Variants in MGAT3 observed in about 807,000 individuals in gnomAD.
MGAT3 encodes the protein beta-1,4-mannosyl-glycoprotein 4-beta-N-acetylglucosaminyltransferase, also known as GlcNAc-T III.
Under a neutral mutation model 29.8 loss-of-function variants are expected in MGAT3, and 9 were observed. The ratio of observed to expected loss-of-function variants is 0.30; its 90% CI spans 0.18 to 0.53. MGAT3 has a LOEUF of 0.53. MGAT3 is among the 20% of genes least tolerant of loss of function. The pLI is 0.96. For synonymous variants in MGAT3, 397 were observed against 348.9 expected, an observed-to-expected ratio of 1.14 and a Z score of -1.54; for missense variants, 557 against 769.5, an observed-to-expected ratio of 0.72 and a Z score of 3.27.
At position 39,487,513 on chromosome 22, in the gene MGAT3, G is replaced by A; in HGVS notation, c.166G>A (p.Val56Ile). Residue 56 changes from valine to isoleucine, a missense_variant, in exon 2 of 2, where the codon GTC (valine) becomes ATC (isoleucine). Val to Ile is a conservative substitution (Grantham distance 29). This residue lies in a region of MGAT3 where 212 missense variants were observed against 228.5 expected (regional missense o/e 0.93). Coordinates refer to ENST00000341184, the MANE Select transcript of MGAT3 (RefSeq NM_002409.5). The surrounding 1 kb of genome is among the most constrained non-coding windows in gnomAD (Gnocchi z 5.7). The stretch of plus-strand genomic sequence containing the variant: ...CAGCTTTTTCTGGAACAATGCCCCG[G>A]TCACGCCCCAGGCCAGCCCCGAGCC... ...VSSFFWNNAP[V>I]TPQASPEPGG... 1 of 1,612,816 alleles carries A rather than the reference G, an allele frequency of 6.2e-7. No individual in the cohort carries two copies. Among genetic ancestry groups the A allele is most frequent in the Non-Finnish European group, 8.5e-7 (1 of 1,179,884 alleles).
rs1243633476 is a variant in MGAT3, at chr22:39,469,966, G to A, written c.-2+12409G>A. On this transcript the variant is annotated intron_variant, in intron 1 of 1. Transcript: ENST00000341184. ...CAGGCTGGGCCTGCACCCCCAAACC[G>A]GAGGATATTTGTCCCTCCAAGTCTG... Among the ~76,000 whole-genome samples the A allele has an allele frequency of 2.0e-5, 3 of 152,244 alleles. No homozygotes were observed. The East Asian group carries it at 5.8e-4, about 29-fold the overall frequency.
rs1929424545 is a variant in MGAT3 at position 39,490,530 on chromosome 22, T to C, written c.*1581T>C. The stretch of plus-strand genomic sequence containing the variant: ...ACTCAGTCGTCGGATCCAGCTCTCA[T>C]TGTCAGAGTTTCCGGAACAGCTTGC... On this transcript the variant is annotated 3_prime_UTR_variant, in exon 2 of 2. Coordinates refer to ENST00000341184, the MANE Select transcript of MGAT3 (RefSeq NM_002409.5). 6.0e-6 allele frequency: 1 copy of C among 167,184 alleles called. No individual in the cohort carries two copies. The highest frequency in any genetic ancestry group is 1.5e-5 in the Non-Finnish European group (1 of 68,146). 10.4% of individuals were successfully genotyped at this position (167,184 alleles called of 1,614,324 possible). A position where few individuals can be genotyped will look rare whatever the true frequency, so the allele number is the denominator to read the frequency against.
At chr22:39,462,963 C>G (rs1035057431) in intron 1 of MGAT3, among the ~76,000 whole-genome samples, 3 of 152,024 alleles carry the variant, frequency 2.0e-5, no homozygotes, top group Non-Finnish European at 4.4e-5. Context: ...ACCTCAGAGC[C>G]TGCTCTCCGG....
chr22:39,479,135 C>T (rs562741675), intron 1 of MGAT3, among the ~76,000 whole-genome samples: 32 of 152,296 alleles, frequency 2.1e-4, no homozygotes, highest in Admixed American at 1.6e-3. Context: ...CCCAGGAGGT[C>T]GAGACCAGCT....
At position 39,457,359 on chromosome 22, in the gene MGAT3, G is replaced by T. The variant is rs1350972006; in HGVS notation, c.-200G>T. The T allele has an allele frequency of 6.9e-6, 1 of 145,464 alleles. No individual in the cohort carries two copies. The highest frequency in any genetic ancestry group is 2.5e-5 in the African/African-American group (1 of 40,468). 9.0% of individuals were successfully genotyped at this position (145,464 alleles called of 1,614,324 possible). ...GGTCCCCGGGACGGGGTGGAAGTGG[G>T]GGTGGGGGGAGGGGATCGGGGCCGG... On this transcript the variant is annotated 5_prime_UTR_variant, in exon 1 of 2. Transcript: ENST00000341184. This position sits in a 1 kb window ranked among gnomAD's most constrained non-coding sequence, Gnocchi z 6.8.
At chr22:39,486,921 A>G (rs1303308264) in intron 1 of MGAT3, among the ~76,000 whole-genome samples, 1 of 152,156 alleles carries the variant, frequency 6.6e-6, no homozygotes, top group Non-Finnish European at 1.5e-5. Flanking sequence ...ATAGGAGGGG[A>G]GGGACAGGAC....
intron 1 of MGAT3, chr22:39,486,299 T>C (rs1166541822): frequency 6.3e-6 from 2 of 319,290 alleles, no homozygotes; most frequent in East Asian, 2.2e-4. Context: ...CATGCGCCAC[T>C]ACACTCAGCT....
chr22:39,474,898 G>GC (rs904429798), intron 1 of MGAT3, among the ~76,000 whole-genome samples: 1 of 152,128 alleles, frequency 6.6e-6, no homozygotes, highest in African/African-American at 2.4e-5. Flanking sequence ...TGCACCACTA[G>GC]CCCCGGCTGG....
At chr22:39,482,352 T>C (rs1234352419) in intron 1 of MGAT3, among the ~76,000 whole-genome samples, 2 of 152,148 alleles carry the variant, frequency 1.3e-5, no homozygotes, top group Non-Finnish European at 2.9e-5. Context: ...GTTCCATGGC[T>C]TTAGCCCACA....
At chr22:39,465,769 T>C (rs1419025679) in intron 1 of MGAT3, among the ~76,000 whole-genome samples, 5 of 151,792 alleles carry the variant, frequency 3.3e-5, no homozygotes, top group African/African-American at 9.7e-5. Context: ...CCGTCTCTAC[T>C]AAAAATACAA....
At chr22:39,477,489 C>T (rs1365781416) in intron 1 of MGAT3, 1 of 151,950 alleles carries the variant, frequency 6.6e-6, no homozygotes, top group East Asian at 1.9e-4. Context: ...AGGAGCAAGG[C>T]CTGGCATATT....
At position 39,488,498 on chromosome 22, in the gene MGAT3, G is replaced by T; in HGVS notation, c.1151G>T (p.Arg384Leu). Reference sequence around the variant, plus strand: ...CTGGACGGCATCCGCCTGCGCCGCCGCCAGTACTACACCATGCCCAACTTC... The same window carrying T: ...CTGGACGGCATCCGCCTGCGCCGCCTCCAGTACTACACCATGCCCAACTTC... Reference protein sequence around the residue: ...YGLDGIRLRRRQYYTMPNFRQ... With the variant: ...YGLDGIRLRRLQYYTMPNFRQ... The change falls in exon 2 of 2, where the codon CGC (arginine) becomes CTC (leucine). Residue 384 changes from arginine (R) to leucine (L), a missense_variant. By Grantham distance (102) the Arg-to-Leu change is moderately radical (BLOSUM62 -2). Coordinates refer to ENST00000341184, the MANE Select transcript of MGAT3 (RefSeq NM_002409.5). The T allele has an allele frequency of 6.2e-7, 1 of 1,613,058 alleles. No homozygotes were observed. Among genetic ancestry groups the T allele is most frequent in the South Asian group, 1.1e-5 (1 of 91,090 alleles).
At chr22:39,481,100 C>CT (rs1929113327) in intron 1 of MGAT3, among the ~76,000 whole-genome samples, 1 of 152,254 alleles carries the variant, frequency 6.6e-6, no homozygotes, top group African/African-American at 2.4e-5. Context: ...CCTCCAGGCC[C>CT]TGTGATCTGG....
At chr22:39,467,195 T>A (rs1416572376) in intron 1 of MGAT3, among the ~76,000 whole-genome samples, 2 of 152,202 alleles carry the variant, frequency 1.3e-5, no homozygotes, top group Non-Finnish European at 2.9e-5. Context: ...GTTGACAGAG[T>A]GCCCACCAAG....
chr22:39,480,319 G>C (rs1442066176), intron 1 of MGAT3, among the ~76,000 whole-genome samples: 1 of 152,232 alleles, frequency 6.6e-6, no homozygotes, highest in Admixed American at 6.5e-5. Flanking sequence ...AGAGCTGCCT[G>C]CCTGGGTCAC....
intron 1 of MGAT3, among the ~76,000 whole-genome samples, chr22:39,477,289 T>G (rs1157048969): frequency 6.6e-6 from 1 of 151,272 alleles, no homozygotes; most frequent in Non-Finnish European, 1.5e-5. Flanking sequence ...AGGAGAGGAG[T>G]CTGCAGGCCT....
intron 1 of MGAT3, chr22:39,477,480 G>A (rs1295373829): frequency 2.0e-5 from 3 of 152,090 alleles, no homozygotes; most frequent in Non-Finnish European, 2.9e-5. Flanking sequence ...AAGCCGGTCA[G>A]GAGCAAGGCC....
Position 39,488,854 on chromosome 22 carries a change from CA to C in MGAT3, c.1508del (p.Gln503ArgfsTer35). 1 of 1,606,664 alleles carries C rather than the reference CA, an allele frequency of 6.2e-7. No homozygotes were observed. The highest frequency in any genetic ancestry group is 8.5e-7 in the Non-Finnish European group (1 of 1,176,756). On this transcript the variant is annotated frameshift_variant, in exon 2 of 2. Coordinates refer to ENST00000341184, the MANE Select transcript of MGAT3 (RefSeq NM_002409.5). ...RFHYLLDNPY[Q>X]EPRSTAAGGW... ...CCACTACCTGCTGGACAACCCCTAC[CA>C]GGAGCCCAGGAGCACGGCGGCGGGC...
chr22:39,468,498 T>C (rs898834933), intron 1 of MGAT3, among the ~76,000 whole-genome samples: 10 of 152,220 alleles, frequency 6.6e-5, no homozygotes, highest in African/African-American at 2.4e-4. Flanking sequence ...TCATTTCCTG[T>C]ATCTCCCCTC....
Sources: allele counts gnomAD v4.1 joint callset (sites outside exome capture counted in the v4.1 genomes callset), GRCh38; gene constraint gnomAD v4.1.1; regional missense constraint gnomAD v4.1.1; non-coding constraint Gnocchi (gnomAD v3.1); transcripts MANE v1.5; gene names NCBI Gene and HGNC (gene_info 2026-07-23, HGNC 2026-07-21).